Variants in MLX observed in about 807,000 individuals in gnomAD.
MLX encodes the protein max-like protein X.
A neutral mutation model predicts 33.0 loss-of-function variants in MLX; 15 were observed. The observed-to-expected ratio is 0.45, with a 90% CI of 0.30 to 0.70. MLX has a LOEUF of 0.70. Ranked by LOEUF, MLX falls within the 30% of genes least tolerant of loss-of-function variation. MLX has a pLI of 0.07. For missense variants in MLX, 285 were observed against 306.3 expected, an observed-to-expected ratio of 0.93 and a Z score of 0.52; for synonymous variants, 115 against 115.6, an observed-to-expected ratio of 0.99 and a Z score of 0.03.
intron 7 of MLX, among the ~76,000 whole-genome samples, chr17:42,570,837 T>C (rs1476676453): frequency 1.3e-5 from 2 of 152,030 alleles, no homozygotes; most frequent in Admixed American, 1.3e-4. Flanking sequence ...TTGTATTTTT[T>C]AGTAAGACGG....
chr17:42,571,427 C>A (rs1012118902), intron 7 of MLX, 120 bp from the exon 8 acceptor site: 1 of 1,096,110 alleles, frequency 9.1e-7, no homozygotes, highest in South Asian at 1.3e-5. Context: ...ACACCTGGCC[C>A]CCGGGGGGCT....
chr17:42,572,754 A>T lies in MLX; in HGVS notation c.*1151A>T. The stretch of plus-strand genomic sequence containing the variant: ...TAAATGTTAACCTCAAGCTACTGCA[A>T]TTTAGACAATGAAATGGGCTGGGTC... On this transcript the variant is annotated 3_prime_UTR_variant, in exon 8 of 8. Transcript: ENST00000435881. The T allele has an allele frequency of 1.5e-6, 1 of 680,154 alleles. No homozygotes were observed. The highest frequency in any genetic ancestry group is 2.7e-6 in the Non-Finnish European group (1 of 372,936). 42.1% of individuals were successfully genotyped at this position (680,154 alleles called of 1,614,324 possible). A position where few individuals can be genotyped will look rare whatever the true frequency, so the allele number is the denominator to read the frequency against.
chr17:42,572,956 A>T lies in MLX; in HGVS notation c.*1353A>T, dbSNP rs2093044146. 1 of 1,613,634 alleles carries T rather than the reference A, an allele frequency of 6.2e-7. No homozygotes were observed. Among genetic ancestry groups the T allele is most frequent in the Admixed American group, 1.7e-5 (1 of 60,000 alleles). ...CATCCTGCAGTCCCCACCAGTCCTGACCGTGGGCCCCTCAGGGGTCTGGGA... is the reference window on the plus strand; with the variant it reads ...CATCCTGCAGTCCCCACCAGTCCTGTCCGTGGGCCCCTCAGGGGTCTGGGA... On this transcript the variant is annotated 3_prime_UTR_variant, in exon 8 of 8. Transcript: ENST00000435881.
In MLX at chr17:42,573,130, G is replaced by A. The variant is rs2093046614; in HGVS notation, c.*1527G>A. 1.2e-6 allele frequency: 2 copies of A among 1,614,182 alleles called. No homozygotes were observed. Among genetic ancestry groups the A allele is most frequent in the Non-Finnish European group, 1.7e-6 (2 of 1,180,028 alleles). On this transcript the variant is annotated 3_prime_UTR_variant, in exon 8 of 8. Transcript: ENST00000435881. Reference sequence around the variant, plus strand: ...ACAAAGAACTGCTTCTTGCTCTTGGGGTATCCTTCAAGTATTGCATCAGAC... The same window carrying A: ...ACAAAGAACTGCTTCTTGCTCTTGGAGTATCCTTCAAGTATTGCATCAGAC...
rs1302991330 is a variant in MLX at position 42,571,813 on chromosome 17, A to G, written c.*210A>G. On this transcript the variant is annotated 3_prime_UTR_variant, in exon 8 of 8. Transcript: ENST00000435881. ...AGCTTCTGATTAATTTATTATATTG[A>G]CGATAAAACTCAAACCTACCCAGCC... The G allele has an allele frequency of 3.5e-6, 2 of 579,212 alleles. No homozygotes were observed. Among genetic ancestry groups the G allele is most frequent in the Non-Finnish European group, 6.2e-6 (2 of 324,330 alleles). The allele number at this position is 579,212 out of a possible 1,614,324, so 35.9% of individuals were successfully genotyped here.
Position 42,570,099 on chromosome 17 carries a change from C to T in MLX, c.594C>T (p.Ser198=), listed in dbSNP as rs750432525. 1.2e-6 allele frequency: 2 copies of T among 1,614,152 alleles called. No individual in the cohort carries two copies. Among genetic ancestry groups the T allele is most frequent in the South Asian group, 2.2e-5 (2 of 91,072 alleles). The stretch of plus-strand genomic sequence containing the variant: ...GCATCATGGATTCCCTGTTCCAGTC[C>T]TTCAATGCCTCCATCTCAGTGGCCA... ...FQGIMDSLFQ[S]FNASISVASF... Residue 198 remains serine, a synonymous_variant, in exon 7 of 8, where the codon TCC becomes TCT. Coordinates refer to ENST00000435881, the MANE Select transcript of MLX (RefSeq NM_198204.2).
At position 42,571,775 on chromosome 17, in the gene MLX, T is replaced by G; in HGVS notation, c.*172T>G. The G allele has an allele frequency of 1.6e-6, 1 of 643,898 alleles. No individual in the cohort carries two copies. Among genetic ancestry groups the G allele is most frequent in the Non-Finnish European group, 2.8e-6 (1 of 361,464 alleles). 39.9% of individuals were successfully genotyped at this position (643,898 alleles called of 1,614,324 possible). A position where few individuals can be genotyped will look rare whatever the true frequency, so the allele number is the denominator to read the frequency against. ...TTTTATCTTCAGCGGAGCCGCGGTGTTTGTTTTGTGAAAGCTTCTGATTAA... is the reference window on the plus strand; with the variant it reads ...TTTTATCTTCAGCGGAGCCGCGGTGGTTGTTTTGTGAAAGCTTCTGATTAA... On this transcript the variant is annotated 3_prime_UTR_variant, in exon 8 of 8. Coordinates refer to ENST00000435881, the MANE Select transcript of MLX (RefSeq NM_198204.2).
chr17:42,567,205 G>A, intron 1 of MLX, 39 bp downstream of exon 1: 9 of 1,290,476 alleles, frequency 7.0e-6, no homozygotes, highest in Non-Finnish European at 8.9e-6. Flanking sequence ...AGGGGAGGGC[G>A]GGTCGGGCTC....
In MLX at chr17:42,569,402, T is replaced by C; in HGVS notation, c.376+99T>C. Reference sequence around the variant, plus strand: ...CATGGCTCGGCCTTGGTGTGGTGATTGCCATGGGATAGTTGGGGTCTGGGG... The same window carrying C: ...CATGGCTCGGCCTTGGTGTGGTGATCGCCATGGGATAGTTGGGGTCTGGGG... On this transcript the variant is annotated intron_variant, in intron 5 of 7. Coordinates refer to ENST00000435881, the MANE Select transcript of MLX (RefSeq NM_198204.2). 3 of 1,497,536 alleles carry C rather than the reference T, an allele frequency of 2.0e-6. No homozygotes were observed. In the South Asian group the frequency reaches 3.4e-5, roughly 17 times the overall value. The allele number at this position is 1,497,536 out of a possible 1,614,324, so 92.8% of individuals were successfully genotyped here.
Position 42,569,314 on chromosome 17 carries a change from G to A in MLX, c.376+11G>A. On this transcript the variant is annotated intron_variant, in intron 5 of 7. Transcript: ENST00000435881. ...TCGTTCTACAAAAGAGTATGGCTAG[G>A]GAAAGCACTGGAGGGGATGGAGCCA... 6.2e-7 allele frequency: 1 copy of A among 1,611,706 alleles called. No individual in the cohort carries two copies. Among genetic ancestry groups the A allele is most frequent in the Non-Finnish European group, 8.5e-7 (1 of 1,177,828 alleles).
chr17:42,570,581 A>G (rs1258906345), intron 7 of MLX, among the ~76,000 whole-genome samples: 3 of 152,200 alleles, frequency 2.0e-5, no homozygotes, highest in Non-Finnish European at 4.4e-5. Context: ...ATGGTATTGC[A>G]CTAAGTCTTC....
rs141194077 is a variant in MLX at position 42,573,152 on chromosome 17, A to G, written c.*1549A>G. 15 of 1,614,260 alleles carry G rather than the reference A, an allele frequency of 9.3e-6. No homozygotes were observed. The highest frequency in any genetic ancestry group is 1.1e-5 in the Non-Finnish European group (13 of 1,180,048). On this transcript the variant is annotated 3_prime_UTR_variant, in exon 8 of 8. Transcript: ENST00000435881. ...TGGGGTATCCTTCAAGTATTGCATC[A>G]GACAGCTCTGTAGCCTGACAAGAAA...
In MLX at chr17:42,571,561, T is replaced by C; in HGVS notation, c.693T>C (p.Ile231=). ...EHCKPQTLRE[I]VIGVLHQLKN... ...GCCCTCGCCAGACCCTGCGGGAGATTGTGATTGGCGTCCTGCACCAATTGA... is the reference window on the plus strand; with the variant it reads ...GCCCTCGCCAGACCCTGCGGGAGATCGTGATTGGCGTCCTGCACCAATTGA... The change falls in exon 8 of 8, where the codon ATT becomes ATC. Residue 231 remains isoleucine (I), a synonymous_variant. Transcript: ENST00000435881. 1 of 1,614,130 alleles carries C rather than the reference T, an allele frequency of 6.2e-7. No individual in the cohort carries two copies. Among genetic ancestry groups the C allele is most frequent in the South Asian group, 1.1e-5 (1 of 91,072 alleles).
intron 4 of MLX, 77 bp from the exon 5 acceptor site, chr17:42,569,127 T>C: frequency 1.4e-6 from 2 of 1,416,130 alleles, no homozygotes; most frequent in Non-Finnish European, 2.0e-6. Context: ...TAGAACTTGG[T>C]GTCATGGAGG....
Position 42,570,024 on chromosome 17 carries a change from T to G in MLX, c.519T>G (p.His173Gln). 1 of 1,614,096 alleles carries G rather than the reference T, an allele frequency of 6.2e-7. No homozygotes were observed. Among genetic ancestry groups the G allele is most frequent in the Non-Finnish European group, 8.5e-7 (1 of 1,180,020 alleles). ...QIVKAHQDNP[H>Q]EGEDQVSDQV... ...TGAAGGCACACCAGGACAACCCCCA[T>G]GAAGGGGAGGACCAGGTCTCTGACC... The change falls in exon 7 of 8, where the codon CAT becomes CAG. Residue 173 changes from histidine to glutamine, a missense_variant. Coordinates refer to ENST00000435881, the MANE Select transcript of MLX (RefSeq NM_198204.2).
At chr17:42,568,145 A>G (rs530300091) in intron 2 of MLX, 66 of 193,388 alleles carry the variant, frequency 3.4e-4, no homozygotes, top group Admixed American at 7.9e-4. Flanking sequence ...GCGGATCACG[A>G]GGTCAGGAGA....
chr17:42,568,587 G>A (rs646174), intron 3 of MLX, 28 bp downstream of exon 3: 873,400 of 1,586,404 alleles, frequency 0.55, 242,342 homozygotes, highest in South Asian at 0.64. Context: ...CCCCGACCTC[G>A]GGGGGCTCAG....
Position 42,567,615 on chromosome 17 carries a change from G to A in MLX, c.43-4G>A. 1 of 1,614,076 alleles carries A rather than the reference G, an allele frequency of 6.2e-7. No individual in the cohort carries two copies. Among genetic ancestry groups the A allele is most frequent in the Non-Finnish European group, 8.5e-7 (1 of 1,179,994 alleles). On this transcript the variant is annotated splice_polypyrimidine_tract_variant and splice_region_variant and intron_variant, in intron 1 of 7. Transcript: ENST00000435881. ...ACGGGCCCTTCCCGTGCTCTGTGCC[G>A]CAGGTGGAGTATGCCTACAGCGACA...
chr17:42,568,192 T>C, intron 2 of MLX: 1 of 213,306 alleles, frequency 4.7e-6, no homozygotes, highest in Non-Finnish European at 9.6e-6. Context: ...AAACCCCGTC[T>C]CCACTAAAAA....
Sources: gnomAD v4.1 joint callset for allele counts (sites outside exome capture counted in the v4.1 genomes callset) on GRCh38, gnomAD v4.1.1 for gene constraint, MANE v1.5 for transcripts, NCBI Gene and HGNC (gene_info 2026-07-23, HGNC 2026-07-21) for gene names.